The following PTPRD variants were observed in gnomAD, a reference collection of about 807,000 sequenced individuals.
PTPRD encodes the protein receptor-type tyrosine-protein phosphatase delta.
In PTPRD, 34 loss-of-function variants were observed where a neutral mutation model predicts 214.5. The observed-to-expected ratio is 0.16, with a 90% CI of 0.12 to 0.21. PTPRD has a LOEUF of 0.21. Among genes scored for constraint, PTPRD ranks in the 10% least tolerant of loss-of-function variants. The pLI is 1.00. For missense variants in PTPRD, 2,545 were observed against 2,398.7 expected, an observed-to-expected ratio of 1.06 and a Z score of -1.27; for synonymous variants, 1,128 against 845.7, an observed-to-expected ratio of 1.33 and a Z score of -5.79.
intron 2 of PTPRD, among the ~76,000 whole-genome samples, chr9:10,536,333 G>A (rs893530875): frequency 6.6e-6 from 1 of 152,044 alleles, no homozygotes; most frequent in African/African-American, 2.4e-5. Context: ...GAATTTTATT[G>A]ATTTCTTCTA....
At chr9:10,234,167 T>C (rs1355297772) in intron 3 of PTPRD, among the ~76,000 whole-genome samples, 1 of 151,790 alleles carries the variant, frequency 6.6e-6, no homozygotes, top group Admixed American at 6.6e-5. Context: ...TGCAGGAGAA[T>C]TGCTTGAACC....
intron 4 of PTPRD, among the ~76,000 whole-genome samples, chr9:9,947,561 ATT>A (rs1194628698): frequency 5.0e-5 from 2 of 40,256 alleles, no homozygotes; most frequent in African/African-American, 1.7e-4. Context: ...TTATATATAT[ATT>A]TTATATATAT....
chr9:8,934,623 G>A (rs1233917746), intron 11 of PTPRD, among the ~76,000 whole-genome samples: 1 of 144,458 alleles, frequency 6.9e-6, no homozygotes, highest in Admixed American at 7.3e-5. Flanking sequence ...ATAGTTTGTG[G>A]TGAGAATGTT....
intron 9 of PTPRD, among the ~76,000 whole-genome samples, chr9:9,293,801 T>G (rs1952048389): frequency 6.6e-6 from 1 of 151,662 alleles, no homozygotes; most frequent in Non-Finnish European, 1.5e-5. Context: ...TGTACTGCAG[T>G]TGTAACTTTT....
intron 9 of PTPRD, among the ~76,000 whole-genome samples, chr9:9,371,698 C>T (rs899831449): frequency 1.1e-4 from 16 of 151,854 alleles, no homozygotes; most frequent in African/African-American, 3.1e-4. Flanking sequence ...CTTTTAATTG[C>T]GATGTTAGGG....
At chr9:10,019,328 G>A (rs1026292799) in intron 4 of PTPRD, among the ~76,000 whole-genome samples, 1 of 152,142 alleles carries the variant, frequency 6.6e-6, no homozygotes, top group Non-Finnish European at 1.5e-5. Context: ...CACTGTTGGT[G>A]GGACTGTAAA....
At chr9:10,468,091 G>A (rs1452732432) in intron 2 of PTPRD, among the ~76,000 whole-genome samples, 3 of 152,152 alleles carry the variant, frequency 2.0e-5, no homozygotes, top group Admixed American at 6.5e-5. Context: ...AAGACAATGT[G>A]GCATTTCCTC....
At position 10,353,363 on chromosome 9, in the gene PTPRD, T is replaced by C. The variant is rs184496682; in HGVS notation, c.-599-12346A>G. The stretch of plus-strand genomic sequence containing the variant: ...TCTAATGCTTTTCCTTTTCCTGGCA[T>C]TTGACTATTTCAGAGTTTGTTTATT... On this transcript the variant is annotated intron_variant, in intron 2 of 45. Coordinates refer to ENST00000381196, the MANE Select transcript of PTPRD (RefSeq NM_002839.4). Among the ~76,000 whole-genome samples, 14 of 152,114 alleles carry C rather than the reference T, an allele frequency of 9.2e-5. No individual in the cohort carries two copies. In the East Asian group the frequency reaches 2.7e-3, roughly 29 times the overall value.
intron 5 of PTPRD, among the ~76,000 whole-genome samples, chr9:9,910,984 AG>A (rs1398129299): frequency 2.4e-5 from 2 of 83,002 alleles, no homozygotes; most frequent in African/African-American, 1.0e-4. Context: ...TTTGGTGTCT[AG>A]TTTCCAATTC....
chr9:9,922,081 CCA>C (rs2082707999), intron 5 of PTPRD, among the ~76,000 whole-genome samples: 1 of 152,014 alleles, frequency 6.6e-6, no homozygotes, highest in Non-Finnish European at 1.5e-5. Context: ...GCCTATATGC[CCA>C]CAGTGTGGAG....
intron 11 of PTPRD, among the ~76,000 whole-genome samples, chr9:8,989,614 C>T (rs1033818799): frequency 2.6e-5 from 4 of 152,044 alleles, no homozygotes; most frequent in Non-Finnish European, 5.9e-5. Context: ...CAATGACAGT[C>T]ACTGAATCTC....
intron 43 of PTPRD, among the ~76,000 whole-genome samples, chr9:8,333,593 C>A (rs1843593414): frequency 6.6e-6 from 1 of 152,082 alleles, no homozygotes; most frequent in African/African-American, 2.4e-5. Context: ...CCAGCCACTG[C>A]AAAAACATAC....
At chr9:8,429,083 C>A (rs1288940952) in intron 35 of PTPRD, among the ~76,000 whole-genome samples, 1 of 152,070 alleles carries the variant, frequency 6.6e-6, no homozygotes, top group South Asian at 2.1e-4. Context: ...CTGGGTTTTC[C>A]CAGGAATAGT....
chr9:10,410,871 G>C (rs745824686), intron 2 of PTPRD, among the ~76,000 whole-genome samples: 54 of 151,730 alleles, frequency 3.6e-4, no homozygotes, highest in Non-Finnish European at 6.2e-4. Context: ...TTTGGAATCA[G>C]TCTGCCTACG....
intron 12 of PTPRD, among the ~76,000 whole-genome samples, chr9:8,676,378 A>ATTT (rs559455727): frequency 2.3e-4 from 26 of 111,604 alleles, no homozygotes; most frequent in Non-Finnish European, 4.8e-4. Context: ...GCTCATTTTC[A>ATTT]TTTTTTTTTT....
At chr9:8,999,980 C>T (rs1048783269) in intron 11 of PTPRD, among the ~76,000 whole-genome samples, 6 of 152,084 alleles carry the variant, frequency 3.9e-5, no homozygotes, top group African/African-American at 4.8e-5. Flanking sequence ...AGTTTCATTT[C>T]CTGATCAGAC....
At chr9:9,391,933 A>T (rs1033958597) in intron 9 of PTPRD, among the ~76,000 whole-genome samples, 1 of 152,160 alleles carries the variant, frequency 6.6e-6, no homozygotes, top group Non-Finnish European at 1.5e-5. Context: ...TGGTAATCAT[A>T]TTGAGTTCAC....
intron 8 of PTPRD, among the ~76,000 whole-genome samples, chr9:9,491,294 T>C (rs933851969): frequency 6.6e-6 from 1 of 151,830 alleles, no homozygotes; most frequent in African/African-American, 2.4e-5. Flanking sequence ...CATAGAGACA[T>C]ATGAAACAAA....
intron 14 of PTPRD, among the ~76,000 whole-genome samples, chr9:8,558,411 G>A (rs923154719): frequency 6.6e-6 from 1 of 152,066 alleles, no homozygotes; most frequent in African/African-American, 2.4e-5. Context: ...CTCTCAGGAT[G>A]TGGTACCAAC....
Sources: allele counts gnomAD v4.1 joint callset (sites outside exome capture counted in the v4.1 genomes callset), GRCh38; gene constraint gnomAD v4.1.1; transcripts MANE v1.5; gene names NCBI Gene and HGNC (gene_info 2026-07-23, HGNC 2026-07-21).